The following CCSER1 variants were observed in gnomAD, a reference collection of about 807,000 sequenced individuals.
CCSER1 encodes the protein serine-rich coiled-coil domain-containing protein 1.
CCSER1 carries 41 observed loss-of-function variants against 82.0 expected under a neutral mutation model. The observed-to-expected ratio is 0.50, with a 90% CI of 0.39 to 0.65. The LOEUF is 0.65. Among genes scored for constraint, CCSER1 ranks in the 30% least tolerant of loss-of-function variants. CCSER1 has a pLI of 0.00. For missense variants in CCSER1, 1,119 were observed against 1,064.2 expected (o/e 1.05, Z -0.72); for synonymous variants, 414 against 383.9 (o/e 1.08, Z -0.92).
chr4:91,348,196 T>C (rs72879099), intron 10 of CCSER1, among the ~76,000 whole-genome samples: 10,061 of 152,184 alleles, frequency 0.066, 1,104 homozygotes, highest in African/African-American at 0.23. Flanking sequence ...TGAATGAGAA[T>C]TGGTTTTTTT....
chr4:90,391,362 C>T (rs980695794), intron 3 of CCSER1, among the ~76,000 whole-genome samples: 1 of 143,426 alleles, frequency 7.0e-6, no homozygotes. Flanking sequence ...GATGAATACC[C>T]CATTTAGCCT....
At chr4:90,623,118 C>G (rs890339725) in intron 5 of CCSER1, among the ~76,000 whole-genome samples, 1 of 151,594 alleles carries the variant, frequency 6.6e-6, no homozygotes, top group Non-Finnish European at 1.5e-5. Flanking sequence ...AGCTTCGCCC[C>G]CCAGGTTCAC....
chr4:90,154,514 T>C (rs1463671330), intron 1 of CCSER1, among the ~76,000 whole-genome samples: 2 of 151,478 alleles, frequency 1.3e-5, no homozygotes, highest in Non-Finnish European at 3.0e-5. Context: ...CCCATGAGCA[T>C]GGAATGTTCT....
At chr4:91,570,282 G>A (rs1763108347) in intron 10 of CCSER1, among the ~76,000 whole-genome samples, 1 of 150,830 alleles carries the variant, frequency 6.6e-6, no homozygotes, top group Non-Finnish European at 1.5e-5. Flanking sequence ...GCTGTCAGTG[G>A]GTCTACCATT....
chr4:90,333,703 G>A (rs1032502506), intron 3 of CCSER1, among the ~76,000 whole-genome samples: 1 of 151,942 alleles, frequency 6.6e-6, no homozygotes, highest in African/African-American at 2.4e-5. Context: ...AATATAGATT[G>A]GACAAGAATC....
chr4:91,095,593 T>C lies in CCSER1; in HGVS notation c.2217+9599T>C, dbSNP rs769494551. The stretch of plus-strand genomic sequence containing the variant: ...CTCCGGATATCTTCCATGCTTTGGC[T>C]AACTAAGGCCATGTTAATCATATGC... On this transcript the variant is annotated intron_variant, in intron 10 of 10. Coordinates refer to ENST00000509176, the MANE Select transcript of CCSER1 (RefSeq NM_001145065.2). 2.6e-5 allele frequency among the ~76,000 whole-genome samples: 4 copies of C among 152,210 alleles called. No homozygotes were observed. The South Asian group carries it at 8.3e-4, about 32-fold the overall frequency.
chr4:91,143,292 T>C (rs1193180053), intron 10 of CCSER1, among the ~76,000 whole-genome samples: 1 of 152,006 alleles, frequency 6.6e-6, no homozygotes, highest in East Asian at 1.9e-4. Flanking sequence ...TGAACATTAT[T>C]GGCGTATAGA....
At chr4:91,569,469 C>CT (rs1487554114) in intron 10 of CCSER1, among the ~76,000 whole-genome samples, 5 of 152,134 alleles carry the variant, frequency 3.3e-5, no homozygotes, top group Non-Finnish European at 5.9e-5. Flanking sequence ...ATACCAGAGA[C>CT]TGAGTACTTT....
At chr4:90,533,347 G>A (rs1031145386) in intron 5 of CCSER1, among the ~76,000 whole-genome samples, 1 of 151,934 alleles carries the variant, frequency 6.6e-6, no homozygotes, top group African/African-American at 2.4e-5. Context: ...CGCCCGCCTT[G>A]GCCTCCCAAA....
At chr4:90,391,161 T>C (rs1379383144) in intron 3 of CCSER1, among the ~76,000 whole-genome samples, 2 of 144,720 alleles carry the variant, frequency 1.4e-5, no homozygotes. Flanking sequence ...TAATCCCAGC[T>C]ACTCGGGAGG....
intron 1 of CCSER1, among the ~76,000 whole-genome samples, chr4:90,198,636 C>G (rs1050546910): frequency 2.0e-5 from 3 of 152,062 alleles, no homozygotes; most frequent in Admixed American, 2.0e-4. Flanking sequence ...AACTTCAATT[C>G]ACTTTTGTCT....
At chr4:90,565,082 A>G (rs1398017638) in intron 5 of CCSER1, among the ~76,000 whole-genome samples, 1 of 149,062 alleles carries the variant, frequency 6.7e-6, no homozygotes, top group Middle Eastern at 3.5e-3. Context: ...ATTGATAGGT[A>G]TTGTGTTAAA....
At chr4:91,458,045 G>A (rs1473943652) in intron 10 of CCSER1, among the ~76,000 whole-genome samples, 1 of 152,110 alleles carries the variant, frequency 6.6e-6, no homozygotes, top group Non-Finnish European at 1.5e-5. Context: ...TAGTAGCCAT[G>A]CTTTTGAGGT....
chr4:90,298,879 A>T (rs925675106), intron 1 of CCSER1, among the ~76,000 whole-genome samples: 2 of 152,112 alleles, frequency 1.3e-5, no homozygotes, highest in Non-Finnish European at 1.5e-5. Context: ...TTATTTAAAC[A>T]TAAATATGCC....
intron 10 of CCSER1, among the ~76,000 whole-genome samples, chr4:91,173,397 A>G (rs1289895536): frequency 2.6e-5 from 4 of 152,138 alleles, no homozygotes; most frequent in African/African-American, 9.7e-5. Flanking sequence ...GATCGAGACC[A>G]TCTTGGCTAA....
intron 9 of CCSER1, among the ~76,000 whole-genome samples, chr4:90,966,411 A>G (rs920966262): frequency 4.6e-5 from 7 of 152,104 alleles, no homozygotes; most frequent in Non-Finnish European, 8.8e-5. Context: ...TCTTATCAAA[A>G]GCAGGGAGGC....
intron 1 of CCSER1, among the ~76,000 whole-genome samples, chr4:90,173,584 C>G (rs1453750517): frequency 1.3e-5 from 2 of 151,892 alleles, no homozygotes; most frequent in African/African-American, 4.8e-5. Flanking sequence ...AGTACTAGGA[C>G]AGAGCATTAC....
intron 10 of CCSER1, among the ~76,000 whole-genome samples, chr4:91,429,768 C>A (rs939364644): frequency 6.6e-6 from 1 of 151,886 alleles, no homozygotes; most frequent in East Asian, 1.9e-4. Context: ...ATATTTTCAT[C>A]TGAAAATATA....
At chr4:90,180,100 T>C (rs1733437005) in intron 1 of CCSER1, among the ~76,000 whole-genome samples, 1 of 143,002 alleles carries the variant, frequency 7.0e-6, no homozygotes. Flanking sequence ...TGGAGTTTGA[T>C]GTATGTATTG....
Sources: allele counts gnomAD v4.1 joint callset (sites outside exome capture counted in the v4.1 genomes callset), GRCh38; gene constraint gnomAD v4.1.1; transcripts MANE v1.5; gene names NCBI Gene and HGNC (gene_info 2026-07-23, HGNC 2026-07-21).